NT5DC1: variants seen among roughly 807,000 people sequenced by gnomAD.
The protein encoded by NT5DC1 is 5'-nucleotidase domain-containing protein 1.
In NT5DC1, 42 loss-of-function variants were observed where a neutral mutation model predicts 59.4. The observed-to-expected ratio is 0.71, with a 90% CI of 0.55 to 0.92. NT5DC1 has a LOEUF of 0.92. Ranked by LOEUF, NT5DC1 falls within the 40% of genes least tolerant of loss-of-function variation. The pLI is 0.00. For missense variants in NT5DC1, 501 were observed against 537.1 expected (o/e 0.93, Z 0.66); for synonymous variants, 172 against 188.1 (o/e 0.91, Z 0.70).
intron 6 of NT5DC1, among the ~76,000 whole-genome samples, chr6:116,200,001 G>GGA (rs1554199747): frequency 6.7e-6 from 1 of 149,858 alleles, no homozygotes; most frequent in Admixed American, 6.6e-5. Flanking sequence ...ATGGAAAGTG[G>GGA]GGGGGGAAGA....
At chr6:116,241,934 AAAAAC>A in intron 11 of NT5DC1, among the ~76,000 whole-genome samples, 1 of 24,520 alleles carries the variant, frequency 4.1e-5, no homozygotes, top group Non-Finnish European at 7.5e-5. Flanking sequence ...AAAAAAAAAA[AAAAAC>A]AAAACAAAAA....
chr6:116,156,078 A>G (rs181833031), intron 6 of NT5DC1, among the ~76,000 whole-genome samples: 135 of 152,320 alleles, frequency 8.9e-4, no homozygotes, highest in Middle Eastern at 3.4e-3. Flanking sequence ...TCATGCCATC[A>G]CTTAAAAATC....
intron 6 of NT5DC1, among the ~76,000 whole-genome samples, chr6:116,150,542 C>T (rs1279074600): frequency 2.0e-5 from 3 of 152,290 alleles, no homozygotes; most frequent in South Asian, 4.1e-4. Context: ...GCCTCGGCCT[C>T]CCAAAACGCT....
At chr6:116,229,035 A>T (rs1781959370) in intron 8 of NT5DC1, among the ~76,000 whole-genome samples, 1 of 152,174 alleles carries the variant, frequency 6.6e-6, no homozygotes, top group Admixed American at 6.5e-5. Context: ...CACATCCCAC[A>T]GCCCCAGGGT....
chr6:116,133,376 A>C (rs745619444), intron 6 of NT5DC1, among the ~76,000 whole-genome samples: 3 of 152,220 alleles, frequency 2.0e-5, no homozygotes, highest in Non-Finnish European at 2.9e-5. Context: ...TAGAGAAGTC[A>C]CAGGGTAACA....
chr6:116,237,661 T>C lies in NT5DC1; in HGVS notation c.922-526T>C. The C allele has an allele frequency of 8.6e-6, 3 of 349,402 alleles. 1 individual carries two copies. Among genetic ancestry groups the C allele is most frequent in the South Asian group, 4.5e-5 (2 of 44,216 alleles). The allele number at this position is 349,402 out of a possible 1,614,324, so 21.6% of individuals were successfully genotyped here. Reference sequence around the variant, plus strand: ...AGAGGTATGGACTCAATCAATGGAGTCCTCAGACTCCATTGCCTCAGACTA... The same window carrying C: ...AGAGGTATGGACTCAATCAATGGAGCCCTCAGACTCCATTGCCTCAGACTA... On this transcript the variant is annotated intron_variant, in intron 9 of 11. Coordinates refer to ENST00000319550, the MANE Select transcript of NT5DC1 (RefSeq NM_152729.3).
At chr6:116,180,470 G>A (rs1432629579) in intron 6 of NT5DC1, among the ~76,000 whole-genome samples, 1 of 151,998 alleles carries the variant, frequency 6.6e-6, no homozygotes, top group Non-Finnish European at 1.5e-5. Context: ...ATTAATGACT[G>A]CTAAAACTGC....
At chr6:116,232,250 G>A (rs1268546020) in intron 8 of NT5DC1, among the ~76,000 whole-genome samples, 1 of 152,068 alleles carries the variant, frequency 6.6e-6, no homozygotes, top group Non-Finnish European at 1.5e-5. Context: ...TGATATACTA[G>A]GGGTTATTAT....
chr6:116,103,981 A>G (rs560267245), intron 1 of NT5DC1, among the ~76,000 whole-genome samples: 2 of 152,328 alleles, frequency 1.3e-5, no homozygotes, highest in East Asian at 1.9e-4. Context: ...GGAACCAAAC[A>G]TAATTTGTAG....
At chr6:116,193,831 G>A (rs1251039251) in intron 6 of NT5DC1, among the ~76,000 whole-genome samples, 2 of 152,008 alleles carry the variant, frequency 1.3e-5, no homozygotes, top group African/African-American at 4.8e-5. Context: ...AGCACTTTGG[G>A]AGGCCGAAAC....
intron 6 of NT5DC1, among the ~76,000 whole-genome samples, chr6:116,160,306 A>G (rs574599901): frequency 2.0e-5 from 3 of 152,224 alleles, no homozygotes; most frequent in Non-Finnish European, 4.4e-5. Flanking sequence ...CATAATAGCT[A>G]TTCTGACTGG....
intron 6 of NT5DC1, among the ~76,000 whole-genome samples, chr6:116,194,487 C>T (rs1021025560): frequency 2.0e-5 from 3 of 151,884 alleles, no homozygotes; most frequent in African/African-American, 4.8e-5. Flanking sequence ...GGGAGAATCA[C>T]TAATAGCCTA....
chr6:116,199,342 G>A (rs1020228844), intron 6 of NT5DC1, among the ~76,000 whole-genome samples: 1 of 152,038 alleles, frequency 6.6e-6, no homozygotes, highest in African/African-American at 2.4e-5. Context: ...GAAGACATTA[G>A]ATAGTCAAAG....
chr6:116,119,310 A>G (rs1396205500), intron 6 of NT5DC1: 2 of 152,526 alleles, frequency 1.3e-5, no homozygotes, highest in African/African-American at 2.4e-5. Context: ...AATTAATCAC[A>G]CTTGTGTTAA....
chr6:116,221,276 G>A (rs1463235713), intron 7 of NT5DC1, 48 bp downstream of exon 7: 9 of 1,091,178 alleles, frequency 8.2e-6, no homozygotes, highest in Middle Eastern at 2.3e-4. Flanking sequence ...AATACAGATA[G>A]CAAATTAGAC....
At chr6:116,140,735 CTGTA>C (rs1477909462) in intron 6 of NT5DC1, among the ~76,000 whole-genome samples, 2 of 152,144 alleles carry the variant, frequency 1.3e-5, no homozygotes, top group African/African-American at 4.8e-5. Flanking sequence ...AGGAATTACA[CTGTA>C]TGTATCTGCT....
At chr6:116,240,331 A>G (rs1313080582) in intron 11 of NT5DC1, among the ~76,000 whole-genome samples, 2 of 152,268 alleles carry the variant, frequency 1.3e-5, no homozygotes, top group Non-Finnish European at 2.9e-5. Context: ...TTAAAATGTT[A>G]CAAATTTTTA....
At chr6:116,105,183 C>G (rs1374989647) in intron 1 of NT5DC1, among the ~76,000 whole-genome samples, 4 of 152,290 alleles carry the variant, frequency 2.6e-5, no homozygotes, top group African/African-American at 4.8e-5. Context: ...TCCTGACACT[C>G]AGACCCCGAC....
At chr6:116,174,940 A>T (rs1489694190) in intron 6 of NT5DC1, among the ~76,000 whole-genome samples, 1 of 152,116 alleles carries the variant, frequency 6.6e-6, no homozygotes, top group Non-Finnish European at 1.5e-5. Flanking sequence ...TTTATAATAA[A>T]CCATTTTGTC....
Sources: gnomAD v4.1 joint callset for allele counts (sites outside exome capture counted in the v4.1 genomes callset) on GRCh38, gnomAD v4.1.1 for gene constraint, MANE v1.5 for transcripts, NCBI Gene and HGNC (gene_info 2026-07-23, HGNC 2026-07-21) for gene names.